SLC26A11: variants seen among roughly 807,000 people sequenced by gnomAD.
SLC26A11 encodes sodium-independent sulfate anion transporter.
Under a neutral mutation model 62.2 loss-of-function variants are expected in SLC26A11, and 58 were observed. The observed-to-expected ratio is 0.93, with a 90% confidence interval of 0.76 to 1.16. The LOEUF (loss-of-function observed/expected upper bound fraction) is 1.16. Ranked by LOEUF, SLC26A11 falls within the 50% of genes most tolerant of loss-of-function variation. The probability of loss-of-function intolerance (pLI) is 0.00; values close to 1 mark genes in which losing one functional copy is unlikely to be tolerated. For synonymous variants in SLC26A11, 411 were observed against 368.9 expected, an observed-to-expected ratio of 1.11 and a Z score of -1.31; for missense variants, 790 against 794.3, an observed-to-expected ratio of 0.99 and a Z score of 0.06.
intron 9 of SLC26A11, among the ~76,000 whole-genome samples, chr17:80,239,295 T>G (rs1045267546): frequency 6.6e-6 from 1 of 151,664 alleles, no homozygotes; most frequent in African/African-American, 2.4e-5. Context: ...ATCATACTGG[T>G]CTCAAACTCC....
Position 80,223,206 on chromosome 17 carries a change from C to A in SLC26A11, c.428-46C>A. The A allele has an allele frequency of 6.4e-7, 1 of 1,560,660 alleles. No individual in the cohort carries two copies. Among genetic ancestry groups the A allele is most frequent in the South Asian group, 1.1e-5 (1 of 89,594 alleles). The stretch of plus-strand genomic sequence containing the variant: ...TCACATCTCCCCTCATCCTCTGGGA[C>A]TGGGTGGAGCCGGGACCAGCTCGAT... On this transcript the variant is annotated intron_variant, in intron 4 of 17. Coordinates refer to ENST00000361193, the MANE Select transcript of SLC26A11 (RefSeq NM_001166347.2). This position sits in a 1 kb window ranked among gnomAD's most constrained non-coding sequence, Gnocchi z 4.6.
At chr17:80,234,913 G>A (rs1032037124) in intron 7 of SLC26A11, among the ~76,000 whole-genome samples, 22 of 150,988 alleles carry the variant, frequency 1.5e-4, no homozygotes, top group Non-Finnish European at 3.2e-4. Context: ...GCAATGGCGC[G>A]GTCTTGGCTC....
intron 11 of SLC26A11, 27 bp downstream of exon 11, chr17:80,245,283 T>C: frequency 5.0e-6 from 8 of 1,612,032 alleles, no homozygotes; most frequent in Non-Finnish European, 6.8e-6. Flanking sequence ...CCTCTTCTGT[T>C]TGCCCACGTT....
rs1022860412 is a variant in SLC26A11 at position 80,252,349 on chromosome 17, A to G, written c.1730-276A>G. 2.0e-5 allele frequency among the ~76,000 whole-genome samples: 3 copies of G among 152,184 alleles called. No homozygotes were observed. Among genetic ancestry groups the G allele is most frequent in the Non-Finnish European group, 2.9e-5 (2 of 68,024 alleles). On this transcript the variant is annotated intron_variant, in intron 17 of 17. Coordinates refer to ENST00000361193, the MANE Select transcript of SLC26A11 (RefSeq NM_001166347.2). The surrounding 1 kb of genome is among the most constrained non-coding windows in gnomAD (Gnocchi z 5.2). ...GTTGTTGTAGAATCAGCTCAGATGC[A>G]GTGCACTGGAGGTGGATAAGCAGAA...
rs891225341 is a variant in SLC26A11 at position 80,246,918 on chromosome 17, C to T, written c.1294+269C>T. Reference sequence around the variant, plus strand: ...GGAGGGTCCCCTCCTGATCCCCCTGCCCCCATCCCTACCCTCCTTGCCACC... The same window carrying T: ...GGAGGGTCCCCTCCTGATCCCCCTGTCCCCATCCCTACCCTCCTTGCCACC... On this transcript the variant is annotated intron_variant, in intron 13 of 17. Coordinates refer to ENST00000361193, the MANE Select transcript of SLC26A11 (RefSeq NM_001166347.2). The surrounding 1 kb of genome is among the most constrained non-coding windows in gnomAD (Gnocchi z 4.4). Among the ~76,000 whole-genome samples the T allele has an allele frequency of 2.6e-5, 4 of 152,040 alleles. No homozygotes were observed. The highest frequency in any genetic ancestry group is 6.5e-5 in the Admixed American group (1 of 15,282).
At position 80,246,271 on chromosome 17, in the gene SLC26A11, GGCCCACAGAGACGTCCCTTTGGC is replaced by G; in HGVS notation, c.1153+63_1153+85del. The G allele has an allele frequency of 1.3e-6, 2 of 1,563,172 alleles. No individual in the cohort carries two copies. The highest frequency in any genetic ancestry group is 1.7e-6 in the Non-Finnish European group (2 of 1,153,940). ...TGAGAGTGGGAGAAAGGGAGGAGGG[GGCCCACAGAGACGTCCCTTTGGC>G]TCATGGGCCGTGCGCCCCGGGACTG... On this transcript the variant is annotated intron_variant, in intron 12 of 17. Coordinates refer to ENST00000361193, the MANE Select transcript of SLC26A11 (RefSeq NM_001166347.2). The surrounding 1 kb of genome is among the most constrained non-coding windows in gnomAD (Gnocchi z 4.4).
In SLC26A11 at chr17:80,222,125, C is replaced by G; in HGVS notation, c.234+331C>G. On this transcript the variant is annotated intron_variant, in intron 3 of 17. Transcript: ENST00000361193. This position sits in a 1 kb window ranked among gnomAD's most constrained non-coding sequence, Gnocchi z 4.7. ...GGTGCGGTGGCTCAAGCCTGTAATCCCAGCACTTTGGGAGGCCGAGGCAGG... is the reference window on the plus strand; with the variant it reads ...GGTGCGGTGGCTCAAGCCTGTAATCGCAGCACTTTGGGAGGCCGAGGCAGG... The G allele has an allele frequency of 3.7e-6, 1 of 269,108 alleles. No homozygotes were observed. Among genetic ancestry groups the G allele is most frequent in the South Asian group, 7.7e-5 (1 of 12,904 alleles). 16.7% of individuals were successfully genotyped at this position (269,108 alleles called of 1,614,324 possible). A position where few individuals can be genotyped will look rare whatever the true frequency, so the allele number is the denominator to read the frequency against.
At chr17:80,240,097 G>A (rs765499697) in intron 9 of SLC26A11, among the ~76,000 whole-genome samples, 1 of 152,258 alleles carries the variant, frequency 6.6e-6, no homozygotes, top group East Asian at 1.9e-4. Flanking sequence ...GCTGGGTGCG[G>A]TGGCACACGC....
At chr17:80,250,962 G>A (rs377243028) in intron 16 of SLC26A11, among the ~76,000 whole-genome samples, 3 of 151,580 alleles carry the variant, frequency 2.0e-5, no homozygotes, top group African/African-American at 4.9e-5. Flanking sequence ...GCAACATGAC[G>A]AAACCCCATC....
chr17:80,224,220 TGTGTGAGA>T lies in SLC26A11; in HGVS notation c.513+891_513+898del, dbSNP rs535379628. ...GTGTGTGAGTGTGTGAATGAGTGAG[TGTGTGAGA>T]GTGTGAGTGGGTTTGAGGGAGTGTG... On this transcript the variant is annotated intron_variant, in intron 5 of 17. Transcript: ENST00000361193. 1.5e-3 allele frequency among the ~76,000 whole-genome samples: 224 copies of T among 151,204 alleles called. 1 individual carries two copies. Among genetic ancestry groups the T allele is most frequent in the African/African-American group, 5.3e-3 (218 of 41,040 alleles).
intron 10 of SLC26A11, 76 bp from the exon 11 acceptor site, chr17:80,245,120 G>T (rs886919012): frequency 2.8e-6 from 4 of 1,410,738 alleles, no homozygotes; most frequent in East Asian, 2.3e-5. Context: ...CTGGGTTTTT[G>T]TCCCCCTCCC....
In SLC26A11 at chr17:80,252,830, G is replaced by A; in HGVS notation, c.*114G>A. On this transcript the variant is annotated 3_prime_UTR_variant, in exon 18 of 18. Coordinates refer to ENST00000361193, the MANE Select transcript of SLC26A11 (RefSeq NM_001166347.2). This position sits in a 1 kb window ranked among gnomAD's most constrained non-coding sequence, Gnocchi z 5.2. Reference sequence around the variant, plus strand: ...ATGCTGGCCTGGCTGAGAAACCCCTGAGCAGGTAACCCAGGGAAGAGAAGG... The same window carrying A: ...ATGCTGGCCTGGCTGAGAAACCCCTAAGCAGGTAACCCAGGGAAGAGAAGG... 1.1e-6 allele frequency: 1 copy of A among 946,646 alleles called. No individual in the cohort carries two copies. The highest frequency in any genetic ancestry group is 1.6e-6 in the Non-Finnish European group (1 of 633,144). 58.6% of individuals were successfully genotyped at this position (946,646 alleles called of 1,614,324 possible).
intron 9 of SLC26A11, among the ~76,000 whole-genome samples, chr17:80,239,406 T>C (rs1381069210): frequency 3.4e-5 from 5 of 147,838 alleles, no homozygotes; most frequent in South Asian, 2.2e-4. Context: ...TTTTTTTTTT[T>C]CGAGACGGAG....
In SLC26A11 at chr17:80,221,133, G is replaced by C. The variant is rs907670868; in HGVS notation, c.-14+18G>C. The C allele has an allele frequency of 6.2e-6, 1 of 160,060 alleles. No homozygotes were observed. The highest frequency in any genetic ancestry group is 2.4e-5 in the African/African-American group (1 of 41,832). The allele number at this position is 160,060 out of a possible 1,614,324, so 9.9% of individuals were successfully genotyped here. A position where few individuals can be genotyped will look rare whatever the true frequency, so the allele number is the denominator to read the frequency against. On this transcript the variant is annotated intron_variant, in intron 2 of 17. Coordinates refer to ENST00000361193, the MANE Select transcript of SLC26A11 (RefSeq NM_001166347.2). Reference sequence around the variant, plus strand: ...AGCCTACGGTGCGCCCGCGGGCCCAGCTTCTCTCTGCGCTGCTCCCCGTTA... The same window carrying C: ...AGCCTACGGTGCGCCCGCGGGCCCACCTTCTCTCTGCGCTGCTCCCCGTTA...
chr17:80,234,247 C>T (rs1246840191), intron 7 of SLC26A11, among the ~76,000 whole-genome samples: 4 of 152,224 alleles, frequency 2.6e-5, no homozygotes, highest in Admixed American at 6.5e-5. Flanking sequence ...TCAGGTGATC[C>T]GCCCTCCTTG....
rs751833619 is a variant in SLC26A11 at position 80,237,392 on chromosome 17, C to T, written c.913-130C>T. On this transcript the variant is annotated intron_variant, in intron 8 of 17. Coordinates refer to ENST00000361193, the MANE Select transcript of SLC26A11 (RefSeq NM_001166347.2). The stretch of plus-strand genomic sequence containing the variant: ...CCTGGCGCCTCTTCAGACAAGGAGG[C>T]GGATCCTGCAGCTGACAAGCACTTG... The T allele has an allele frequency of 3.3e-5, 30 of 899,776 alleles. 1 individual carries two copies. Among genetic ancestry groups the T allele is most frequent in the South Asian group, 1.9e-4 (11 of 58,430 alleles). 55.7% of individuals were successfully genotyped at this position (899,776 alleles called of 1,614,324 possible). A position where few individuals can be genotyped will look rare whatever the true frequency, so the allele number is the denominator to read the frequency against.
intron 6 of SLC26A11, among the ~76,000 whole-genome samples, chr17:80,226,738 T>TG (rs2042424333): frequency 6.6e-6 from 1 of 152,142 alleles, no homozygotes; most frequent in Non-Finnish European, 1.5e-5. Flanking sequence ...AAGCCTCTGA[T>TG]GAGGGGTACC....
At position 80,232,261 on chromosome 17, in the gene SLC26A11, T is replaced by A. The variant is rs908962717; in HGVS notation, c.736+4301T>A. 3.4e-5 allele frequency among the ~76,000 whole-genome samples: 5 copies of A among 146,310 alleles called. No homozygotes were observed. In the Admixed American group the frequency reaches 3.4e-4, roughly 10 times the overall value. On this transcript the variant is annotated intron_variant, in intron 7 of 17. Coordinates refer to ENST00000361193, the MANE Select transcript of SLC26A11 (RefSeq NM_001166347.2). Reference sequence around the variant, plus strand: ...AGCATATCTTTTCCCATCTTTTTACTTTTTTTTTTTTGAGACAGAATCTCT... The same window carrying A: ...AGCATATCTTTTCCCATCTTTTTACATTTTTTTTTTTGAGACAGAATCTCT...
rs924579873 is a variant in SLC26A11, at chr17:80,228,701, C to T, written c.736+741C>T. Among the ~76,000 whole-genome samples, 3 of 152,358 alleles carry T rather than the reference C, an allele frequency of 2.0e-5. No individual in the cohort carries two copies. Among genetic ancestry groups the T allele is most frequent in the Non-Finnish European group, 2.9e-5 (2 of 68,040 alleles). On this transcript the variant is annotated intron_variant, in intron 7 of 17. Coordinates refer to ENST00000361193, the MANE Select transcript of SLC26A11 (RefSeq NM_001166347.2). The surrounding 1 kb of genome is among the most constrained non-coding windows in gnomAD (Gnocchi z 4.1). Reference sequence around the variant, plus strand: ...CAAACAGTGATCCGGCCCAAAATGTCGGCGGTGCCGAGGTGGAGAAACACA... The same window carrying T: ...CAAACAGTGATCCGGCCCAAAATGTTGGCGGTGCCGAGGTGGAGAAACACA...
Sources: allele counts gnomAD v4.1 joint callset (sites outside exome capture counted in the v4.1 genomes callset), GRCh38; gene constraint gnomAD v4.1.1; non-coding constraint Gnocchi (gnomAD v3.1); transcripts MANE v1.5; gene names NCBI Gene and HGNC (gene_info 2026-07-23, HGNC 2026-07-21).